Variants in CREB3L1 observed in about 807,000 individuals in gnomAD.
The protein encoded by CREB3L1 is cyclic AMP-responsive element-binding protein 3-like protein 1.
A neutral mutation model predicts 54.5 loss-of-function variants in CREB3L1; 33 were observed. The ratio of observed to expected loss-of-function variants is 0.61; its 90% CI spans 0.46 to 0.81. The LOEUF (loss-of-function observed/expected upper bound fraction) is 0.81. Among genes scored for constraint, CREB3L1 ranks in the 30% least tolerant of loss-of-function variants. CREB3L1 has a pLI of 0.00. For synonymous variants in CREB3L1, 284 were observed against 286.4 expected, an observed-to-expected ratio of 0.99 and a Z score of 0.08; for missense variants, 656 against 673.3, an observed-to-expected ratio of 0.97 and a Z score of 0.29.
chr11:46,300,209 A>C lies in CREB3L1; in HGVS notation c.331+46A>C, dbSNP rs1483027075. The C allele has an allele frequency of 2.8e-6, 4 of 1,448,288 alleles. No homozygotes were observed. In the African/African-American group the frequency reaches 5.6e-5, roughly 20 times the overall value. The allele number at this position is 1,448,288 out of a possible 1,614,324, so 89.7% of individuals were successfully genotyped here. A position where few individuals can be genotyped will look rare whatever the true frequency, so the allele number is the denominator to read the frequency against. ...GGGACAGCACAGGCCCAGGAGGCCCAGGAGGGAGGAAGCTCTGGGGTGACA... is the reference window on the plus strand; with the variant it reads ...GGGACAGCACAGGCCCAGGAGGCCCCGGAGGGAGGAAGCTCTGGGGTGACA... On this transcript the variant is annotated intron_variant, in intron 2 of 11. Coordinates refer to ENST00000621158, the MANE Select transcript of CREB3L1 (RefSeq NM_052854.4).
chr11:46,308,772 G>A (rs1939441277), intron 3 of CREB3L1, among the ~76,000 whole-genome samples: 1 of 152,216 alleles, frequency 6.6e-6, no homozygotes, highest in Admixed American at 6.5e-5. Flanking sequence ...GTGGCTGAAG[G>A]CAAGAAAGGT....
At position 46,307,919 on chromosome 11, in the gene CREB3L1, G is replaced by A. The variant is rs568288042; in HGVS notation, c.435G>A (p.Ser145=). 216 of 1,565,572 alleles carry A rather than the reference G, an allele frequency of 1.4e-4. 1 individual carries two copies. Among genetic ancestry groups the A allele is most frequent in the South Asian group, 1.3e-4 (11 of 84,992 alleles). Residue 145 remains serine (S), a synonymous_variant, in exon 3 of 12, where the codon TCG becomes TCA. Transcript: ENST00000621158. ...ELPVDPLAAP[S]AMAAAAAMAT... Reference sequence around the variant, plus strand: ...CCGTGGACCCTCTGGCTGCCCCCTCGGCCATGGCTGCCGCGGCCGCCATGG... The same window carrying A: ...CCGTGGACCCTCTGGCTGCCCCCTCAGCCATGGCTGCCGCGGCCGCCATGG...
chr11:46,302,265 A>G (rs1353491731), intron 2 of CREB3L1, among the ~76,000 whole-genome samples: 18 of 151,670 alleles, frequency 1.2e-4, no homozygotes, highest in Admixed American at 1.2e-3. Context: ...GCCTCCTCAT[A>G]CTATGTTGTC....
chr11:46,280,176 T>G (rs1415432015), intron 1 of CREB3L1, among the ~76,000 whole-genome samples: 1 of 150,100 alleles, frequency 6.7e-6, no homozygotes, highest in Admixed American at 6.6e-5. Flanking sequence ...TTCTTGTTTT[T>G]TTTTTTGTTT....
chr11:46,320,367 C>G lies in CREB3L1; in HGVS notation c.1362C>G (p.Asn454Lys). 3 of 1,610,576 alleles carry G rather than the reference C, an allele frequency of 1.9e-6. No homozygotes were observed. The highest frequency in any genetic ancestry group is 2.5e-6 in the Non-Finnish European group (3 of 1,178,448). The change falls in exon 11 of 12, where the codon AAC becomes AAG. Residue 454 changes from asparagine to lysine, a missense_variant. This residue lies in a region of CREB3L1 where 240 missense variants were observed against 219.8 expected (regional missense o/e 1.09). Coordinates refer to ENST00000621158, the MANE Select transcript of CREB3L1 (RefSeq NM_052854.4). ...PMEPPDGWEI[N>K]PGGPAEQRPR... The stretch of plus-strand genomic sequence containing the variant: ...AGCCCCCAGATGGCTGGGAAATCAA[C>G]CCCGGGGGGCCGGCAGAGCAGCGGC...
intron 2 of CREB3L1, among the ~76,000 whole-genome samples, chr11:46,302,881 T>C (rs1242225809): frequency 5.3e-5 from 8 of 152,130 alleles, no homozygotes; most frequent in Admixed American, 5.2e-4. Flanking sequence ...CTCAGGAGGC[T>C]GAGGCAGGAG....
chr11:46,301,435 G>A (rs576205266), intron 2 of CREB3L1, among the ~76,000 whole-genome samples: 38 of 152,144 alleles, frequency 2.5e-4, no homozygotes, highest in Admixed American at 1.9e-3. Flanking sequence ...GTGAGGAGAC[G>A]AAGACCAGCC....
rs2288249 is a variant in CREB3L1, at chr11:46,312,688, G to A, written c.962+18G>A. The stretch of plus-strand genomic sequence containing the variant: ...GAAAAGAAGTAAGGGGCTTGGGAGG[G>A]GTGGGCAATCCACTCCCTTGCCTGA... On this transcript the variant is annotated intron_variant, in intron 7 of 11. Coordinates refer to ENST00000621158, the MANE Select transcript of CREB3L1 (RefSeq NM_052854.4). 0.078 allele frequency: 125,194 copies of A among 1,600,840 alleles called. 5,410 individuals carry two copies. Among genetic ancestry groups the A allele is most frequent in the African/African-American group, 0.18 (13,089 of 74,744 alleles).
At position 46,281,585 on chromosome 11, in the gene CREB3L1, T is replaced by A. The variant is rs189901850; in HGVS notation, c.102+3372T>A. ...TCCCTGCAGCTGGGGAGGCCAGGTG[T>A]GGGAGTGACGGGGACCCAGGGACCA... On this transcript the variant is annotated intron_variant, in intron 1 of 11. Coordinates refer to ENST00000621158, the MANE Select transcript of CREB3L1 (RefSeq NM_052854.4). Among the ~76,000 whole-genome samples the A allele has an allele frequency of 1.9e-4, 29 of 152,186 alleles. 1 individual carries two copies. The East Asian group carries it at 5.6e-3, about 30-fold the overall frequency.
intron 2 of CREB3L1, among the ~76,000 whole-genome samples, chr11:46,304,396 G>A (rs34813374): frequency 6.9e-4 from 105 of 152,260 alleles, no homozygotes; most frequent in African/African-American, 2.4e-3. Context: ...CGGTGAACCC[G>A]GGAGGCAGAG....
chr11:46,278,351 A>C lies in CREB3L1; in HGVS notation c.102+138A>C. On this transcript the variant is annotated intron_variant, in intron 1 of 11. Coordinates refer to ENST00000621158, the MANE Select transcript of CREB3L1 (RefSeq NM_052854.4). This position sits in a 1 kb window ranked among gnomAD's most constrained non-coding sequence, Gnocchi z 4.2. Reference sequence around the variant, plus strand: ...GTTCAGCGCAGGGTCTCCAGGAGCGACATGTGTTTGGAGCTAAGCGCCCCT... The same window carrying C: ...GTTCAGCGCAGGGTCTCCAGGAGCGCCATGTGTTTGGAGCTAAGCGCCCCT... The C allele has an allele frequency of 1.8e-6, 1 of 552,992 alleles. No homozygotes were observed. Among genetic ancestry groups the C allele is most frequent in the Non-Finnish European group, 3.2e-6 (1 of 314,148 alleles). The allele number at this position is 552,992 out of a possible 1,614,324, so 34.3% of individuals were successfully genotyped here. A position where few individuals can be genotyped will look rare whatever the true frequency, so the allele number is the denominator to read the frequency against.
At chr11:46,308,648 A>T (rs1939438919) in intron 3 of CREB3L1, among the ~76,000 whole-genome samples, 1 of 152,234 alleles carries the variant, frequency 6.6e-6, no homozygotes, top group African/African-American at 2.4e-5. Flanking sequence ...GAACCCCCTA[A>T]GGTGCTTCTA....
chr11:46,307,402 T>C (rs1939414048), intron 2 of CREB3L1, among the ~76,000 whole-genome samples: 1 of 152,172 alleles, frequency 6.6e-6, no homozygotes, highest in South Asian at 2.1e-4. Flanking sequence ...AACATTTACT[T>C]CTCACCAGTG....
chr11:46,281,180 A>G (rs1938965624), intron 1 of CREB3L1, among the ~76,000 whole-genome samples: 1 of 152,074 alleles, frequency 6.6e-6, no homozygotes, highest in African/African-American at 2.4e-5. Flanking sequence ...TTCCTGTCCC[A>G]TGTGGGGGCA....
intron 2 of CREB3L1, among the ~76,000 whole-genome samples, chr11:46,306,128 T>G (rs530499069): frequency 6.6e-6 from 1 of 152,188 alleles, no homozygotes; most frequent in East Asian, 1.9e-4. Context: ...ACTGCAGCCT[T>G]GAACTCTTGG....
intron 1 of CREB3L1, among the ~76,000 whole-genome samples, chr11:46,293,322 G>A (rs991724526): frequency 1.1e-4 from 16 of 152,312 alleles, no homozygotes; most frequent in South Asian, 4.1e-4. Flanking sequence ...GGCGGCACTC[G>A]CTGCCATCGC....
chr11:46,320,687 G>C (rs781415983), intron 11 of CREB3L1, 23 bp from the exon 12 acceptor site: 6 of 1,606,822 alleles, frequency 3.7e-6, no homozygotes, highest in Non-Finnish European at 4.3e-6. Context: ...GACAGTCATC[G>C]CTGGCCTCTC....
chr11:46,301,234 A>G (rs1451021935), intron 2 of CREB3L1, among the ~76,000 whole-genome samples: 6 of 151,774 alleles, frequency 4.0e-5, no homozygotes, highest in Non-Finnish European at 1.5e-5. Context: ...CCAGCTACTT[A>G]GGAGACTGAG....
chr11:46,314,084 A>G (rs1939531507), intron 8 of CREB3L1, among the ~76,000 whole-genome samples: 1 of 151,748 alleles, frequency 6.6e-6, no homozygotes, highest in Non-Finnish European at 1.5e-5. Context: ...CTAAAAATAC[A>G]AAAATTAGCC....
Sources: allele counts gnomAD v4.1 joint callset (sites outside exome capture counted in the v4.1 genomes callset), GRCh38; gene constraint gnomAD v4.1.1; regional missense constraint gnomAD v4.1.1; non-coding constraint Gnocchi (gnomAD v3.1); transcripts MANE v1.5; gene names NCBI Gene and HGNC (gene_info 2026-07-23, HGNC 2026-07-21).